Variants in ROBO2 observed in about 807,000 individuals in gnomAD.
ROBO2 encodes roundabout homolog 2.
ROBO2 carries 53 observed loss-of-function variants against 160.8 expected under a neutral mutation model. The ratio of observed to expected loss-of-function variants is 0.33; its 90% confidence interval spans 0.26 to 0.41. The LOEUF (loss-of-function observed/expected upper bound fraction) is 0.41, where lower values mean the gene tolerates loss of function less well. Ranked by LOEUF, ROBO2 falls within the 10% of genes least tolerant of loss-of-function variation. ROBO2 has a pLI of 1.00. For synonymous variants in ROBO2, 664 were observed against 611.7 expected, an observed-to-expected ratio of 1.09 and a Z score of -1.26; for missense variants, 1,577 against 1,722.4, an observed-to-expected ratio of 0.92 and a Z score of 1.49.
rs368196050 is a variant in ROBO2, at chr3:76,217,476, G to A, written c.109+279874G>A. 1.1e-4 allele frequency among the ~76,000 whole-genome samples: 16 copies of A among 152,208 alleles called. No homozygotes were observed. The East Asian group carries it at 2.9e-3, about 28-fold the overall frequency. On this transcript the variant is annotated intron_variant, in intron 2 of 26. Coordinates refer to the ROBO2 transcript ENST00000487694. ...ATAGACGCAATAAAAAATGACAAAG[G>A]TGATATCACCACCGATCCCACAGAA...
chr3:76,083,453 T>A (rs930979956), intron 2 of ROBO2, among the ~76,000 whole-genome samples: 6 of 152,100 alleles, frequency 3.9e-5, no homozygotes, highest in Non-Finnish European at 8.8e-5. Context: ...TCATGAGAAC[T>A]AGATAAGTTT....
chr3:76,490,584 G>C (rs74872421), intron 2 of ROBO2, among the ~76,000 whole-genome samples: 3 of 152,300 alleles, frequency 2.0e-5, no homozygotes, highest in Non-Finnish European at 4.4e-5. Context: ...GAGAAGTGAT[G>C]AAAGTAACTC....
At chr3:77,148,736 A>G (rs1004497526) in intron 2 of ROBO2, among the ~76,000 whole-genome samples, 1 of 152,216 alleles carries the variant, frequency 6.6e-6, no homozygotes, top group Non-Finnish European at 1.5e-5. Context: ...ACCGCTAAAT[A>G]TGAAACAAAA....
intron 15 of ROBO2, among the ~76,000 whole-genome samples, chr3:77,578,580 A>G (rs1326648627): frequency 6.6e-6 from 1 of 152,116 alleles, no homozygotes; most frequent in African/African-American, 2.4e-5. Context: ...TTATTAAAGA[A>G]TAACTTGCTA....
intron 2 of ROBO2, among the ~76,000 whole-genome samples, chr3:76,120,912 G>A (rs542957556): frequency 2.6e-5 from 4 of 151,980 alleles, no homozygotes; most frequent in Admixed American, 6.6e-5. Context: ...ACTTACTGTC[G>A]AATATTATGT....
intron 2 of ROBO2, among the ~76,000 whole-genome samples, chr3:76,218,252 C>G (rs4856020): frequency 0.56 from 85,078 of 152,032 alleles, 23,993 homozygotes; most frequent in African/African-American, 0.61. Flanking sequence ...AAAACTGGCA[C>G]AAGACAGGGA....
chr3:76,733,324 A>G (rs1351762122), intron 2 of ROBO2, among the ~76,000 whole-genome samples: 1 of 152,210 alleles, frequency 6.6e-6, no homozygotes, highest in African/African-American at 2.4e-5. Context: ...CCATTTCCCT[A>G]TGACTCTCAG....
At chr3:76,654,363 G>A (rs2091394968) in intron 2 of ROBO2, among the ~76,000 whole-genome samples, 1 of 152,170 alleles carries the variant, frequency 6.6e-6, no homozygotes, top group Middle Eastern at 3.4e-3. Flanking sequence ...TATAAATGAT[G>A]AAAAAAACCT....
chr3:76,490,498 G>C (rs750203756), intron 2 of ROBO2, among the ~76,000 whole-genome samples: 3 of 152,136 alleles, frequency 2.0e-5, no homozygotes, highest in Non-Finnish European at 4.4e-5. Flanking sequence ...CAAAGAAAAA[G>C]AGTTCACATT....
intron 2 of ROBO2, among the ~76,000 whole-genome samples, chr3:76,469,205 A>G (rs181542526): frequency 7.2e-5 from 11 of 152,194 alleles, no homozygotes; most frequent in African/African-American, 2.6e-4. Context: ...CTAGTTGAAG[A>G]TGACAATGAC....
At chr3:77,456,718 G>A (rs1355947425) in intron 2 of ROBO2, among the ~76,000 whole-genome samples, 1 of 152,150 alleles carries the variant, frequency 6.6e-6, no homozygotes, top group Non-Finnish European at 1.5e-5. Flanking sequence ...TTTGAATTCT[G>A]CTGGATTCTT....
intron 2 of ROBO2, among the ~76,000 whole-genome samples, chr3:76,339,468 A>T (rs1452036269): frequency 6.6e-6 from 1 of 152,140 alleles, no homozygotes; most frequent in African/African-American, 2.4e-5. Context: ...CCTGTTTTGG[A>T]CAGTGGCATA....
At chr3:77,221,424 T>C (rs4684027) in intron 2 of ROBO2, among the ~76,000 whole-genome samples, 29,795 of 152,160 alleles carry the variant, frequency 0.2, 3,344 homozygotes, top group Middle Eastern at 0.31. Flanking sequence ...CTAGTAAGGG[T>C]GACACTGATC....
intron 2 of ROBO2, among the ~76,000 whole-genome samples, chr3:76,714,629 C>T (rs1441422464): frequency 6.6e-6 from 1 of 152,040 alleles, no homozygotes; most frequent in East Asian, 1.9e-4. Flanking sequence ...ACTAGGGGAC[C>T]CCCATAACTC....
intron 2 of ROBO2, among the ~76,000 whole-genome samples, chr3:76,834,027 CTT>C (rs1355758636): frequency 1.8e-5 from 1 of 54,802 alleles, no homozygotes; most frequent in African/African-American, 6.0e-5. Flanking sequence ...TCTTTCTTTT[CTT>C]TCTTTCTTTC....
At chr3:76,982,398 G>T (rs2060143685) in intron 2 of ROBO2, among the ~76,000 whole-genome samples, 1 of 152,150 alleles carries the variant, frequency 6.6e-6, no homozygotes, top group Admixed American at 6.5e-5. Context: ...TAGGGTTTAT[G>T]TCTGGACTCT....
At chr3:76,516,663 T>C (rs931399336) in intron 2 of ROBO2, among the ~76,000 whole-genome samples, 5 of 152,138 alleles carry the variant, frequency 3.3e-5, no homozygotes, top group Admixed American at 1.3e-4. Context: ...CAAAAAATCA[T>C]AGAATATTAT....
chr3:77,075,394 C>T (rs1014650447), intron 1 of ROBO2, among the ~76,000 whole-genome samples: 16 of 152,034 alleles, frequency 1.1e-4, no homozygotes, highest in African/African-American at 3.9e-4. Flanking sequence ...CCTCTGTCAC[C>T]GAGGCTAGAC....
chr3:77,545,024 C>T (rs1177893075), intron 6 of ROBO2, among the ~76,000 whole-genome samples: 3 of 151,926 alleles, frequency 2.0e-5, no homozygotes, highest in Non-Finnish European at 4.4e-5. Context: ...TATTTTCTGT[C>T]GGAGTTACTT....
Sources: allele counts gnomAD v4.1 joint callset (sites outside exome capture counted in the v4.1 genomes callset), GRCh38; gene constraint gnomAD v4.1.1; transcripts MANE v1.5; gene names NCBI Gene and HGNC (gene_info 2026-07-23, HGNC 2026-07-21).